The following FOXN3 variants were observed in gnomAD, a reference collection of about 807,000 sequenced individuals.
The protein encoded by FOXN3 is forkhead box protein N3.
A neutral mutation model predicts 38.4 loss-of-function variants in FOXN3; 7 were observed. The ratio of observed to expected loss-of-function variants is 0.18; its 90% CI spans 0.10 to 0.34. The LOEUF is 0.34. FOXN3 is among the 10% of genes least tolerant of loss of function. The pLI is 1.00. For synonymous variants in FOXN3, 230 were observed against 242.2 expected (o/e 0.95, Z 0.47); for missense variants, 456 against 613.4 (o/e 0.74, Z 2.71).
At chr14:89,282,441 T>C (rs1272055595) in intron 3 of FOXN3, among the ~76,000 whole-genome samples, 2 of 152,204 alleles carry the variant, frequency 1.3e-5, no homozygotes, top group Non-Finnish European at 2.9e-5. Context: ...CTCAGGATGA[T>C]GACACCAGCT....
At chr14:89,289,689 C>T (rs1024821520) in intron 3 of FOXN3, among the ~76,000 whole-genome samples, 4 of 152,178 alleles carry the variant, frequency 2.6e-5, no homozygotes, top group Non-Finnish European at 1.5e-5. Flanking sequence ...AATGTTCTTA[C>T]ATCTTTTAAA....
intron 4 of FOXN3, chr14:89,183,883 C>A (rs568097886): frequency 6.6e-6 from 1 of 152,186 alleles, no homozygotes; most frequent in Non-Finnish European, 1.5e-5. Context: ...AATTATTGAT[C>A]GTGTCCCCTG....
At chr14:89,491,060 C>T (rs1275019611) in intron 1 of FOXN3, among the ~76,000 whole-genome samples, 3 of 152,154 alleles carry the variant, frequency 2.0e-5, no homozygotes, top group Admixed American at 6.5e-5. Context: ...CCACAGCCTC[C>T]GCCTCCCGGG....
intron 2 of FOXN3, among the ~76,000 whole-genome samples, chr14:89,360,213 T>C (rs995967483): frequency 6.6e-6 from 1 of 151,794 alleles, no homozygotes. Flanking sequence ...TGGACCTGGC[T>C]CTGGCTCAAC....
intron 2 of FOXN3, among the ~76,000 whole-genome samples, chr14:89,368,173 A>AG (rs1775993348): frequency 6.6e-6 from 1 of 151,742 alleles, no homozygotes. Flanking sequence ...TACTAAAAAA[A>AG]TACAAAATTA....
intron 1 of FOXN3, among the ~76,000 whole-genome samples, chr14:89,555,924 G>T (rs1006930719): frequency 6.7e-6 from 1 of 149,940 alleles, no homozygotes; most frequent in African/African-American, 2.4e-5. Context: ...GTGTGCAAGT[G>T]TTGGTACTAC....
chr14:89,405,786 C>T (rs1246874145), intron 2 of FOXN3, among the ~76,000 whole-genome samples: 1 of 152,066 alleles, frequency 6.6e-6, no homozygotes, highest in African/African-American at 2.4e-5. Context: ...ATTTCAATCC[C>T]CTATAACCCA....
chr14:89,406,803 T>TACAC (rs1378765422), intron 2 of FOXN3, among the ~76,000 whole-genome samples: 1 of 150,742 alleles, frequency 6.6e-6, no homozygotes, highest in Non-Finnish European at 1.5e-5. Context: ...GAAATAGAAA[T>TACAC]ACACACATAC....
At chr14:89,348,518 A>T (rs1014389376) in intron 3 of FOXN3, among the ~76,000 whole-genome samples, 1 of 152,190 alleles carries the variant, frequency 6.6e-6, no homozygotes, top group Non-Finnish European at 1.5e-5. Context: ...GACAGTCCCC[A>T]GGAAAGAGAA....
intron 1 of FOXN3, among the ~76,000 whole-genome samples, chr14:89,606,433 G>C (rs1818166111): frequency 1.3e-5 from 2 of 152,090 alleles, no homozygotes; most frequent in Admixed American, 1.3e-4. Flanking sequence ...ATAAGATCAA[G>C]GTTGAGCATT....
At chr14:89,326,954 C>T (rs1004514722) in intron 3 of FOXN3, among the ~76,000 whole-genome samples, 3 of 152,168 alleles carry the variant, frequency 2.0e-5, no homozygotes, top group Admixed American at 6.5e-5. Context: ...CAACATTTCC[C>T]GGGTACGTAA....
Position 89,240,520 on chromosome 14 carries a change from A to G in FOXN3, c.745+40430T>C, listed in dbSNP as rs1478243881. Among the ~76,000 whole-genome samples the G allele has an allele frequency of 2.6e-4, 39 of 152,264 alleles. 1 individual carries two copies. The highest frequency in any genetic ancestry group is 2.6e-3 in the Admixed American group (39 of 15,292). On this transcript the variant is annotated intron_variant, in intron 4 of 5. Transcript: ENST00000557258. ...CATACAGTGAAATACTCTGACATCA[A>G]TAACAAGGATGAATAAATCTGTATG...
At chr14:89,316,379 T>C (rs931964700) in intron 3 of FOXN3, among the ~76,000 whole-genome samples, 1 of 89,792 alleles carries the variant, frequency 1.1e-5, no homozygotes, top group African/African-American at 5.7e-5. Flanking sequence ...ATGATTCTTC[T>C]TCTTCTTCTT....
rs114372038 is a variant in FOXN3 at position 89,187,804 on chromosome 14, G to A, written c.746-6998C>T. On this transcript the variant is annotated intron_variant, in intron 4 of 5. Coordinates refer to ENST00000557258, the MANE Select transcript of FOXN3 (RefSeq NM_005197.4). The stretch of plus-strand genomic sequence containing the variant: ...GGCTTCCCAAGTGCACAGAGAAGAC[G>A]CTCCATGCATCTTCACTCCCTTGCT... Among the ~76,000 whole-genome samples, 1,088 of 152,202 alleles carry A rather than the reference G, an allele frequency of 7.1e-3. 18 individuals are homozygous for A. Among genetic ancestry groups the A allele is most frequent in the African/African-American group, 0.025 (1,033 of 41,526 alleles).
At chr14:89,199,247 AG>A (rs1888174717) in intron 4 of FOXN3, among the ~76,000 whole-genome samples, 1 of 152,186 alleles carries the variant, frequency 6.6e-6, no homozygotes, top group Non-Finnish European at 1.5e-5. Context: ...CAAACACCTT[AG>A]GGGTTCTTGT....
Position 89,315,330 on chromosome 14 carries a change from T to C in FOXN3, c.681-34316A>G, listed in dbSNP as rs17125671. Among the ~76,000 whole-genome samples, 199 of 152,204 alleles carry C rather than the reference T, an allele frequency of 1.3e-3. 1 individual carries two copies. Among genetic ancestry groups the C allele is most frequent in the African/African-American group, 4.5e-3 (186 of 41,526 alleles). On this transcript the variant is annotated intron_variant, in intron 3 of 5. Coordinates refer to ENST00000557258, the MANE Select transcript of FOXN3 (RefSeq NM_005197.4). ...TAGCACAAATAATTGCTAAATAAAA[T>C]CTTTAACGTCGGCATAACCCTGAAA...
At chr14:89,577,201 T>G (rs1472163454) in intron 1 of FOXN3, 1 of 152,270 alleles carries the variant, frequency 6.6e-6, no homozygotes, top group East Asian at 1.9e-4. Flanking sequence ...GGGCGGAGTT[T>G]CCAAGATAAC....
At chr14:89,190,578 A>G in intron 4 of FOXN3, 1 of 654,406 alleles carries the variant, frequency 1.5e-6, no homozygotes, top group Non-Finnish European at 2.6e-6. Flanking sequence ...TGGATGAGCT[A>G]TCCCAAAGGC....
chr14:89,156,229 A>T lies in FOXN3; in HGVS notation c.*6185T>A, dbSNP rs904373368. On this transcript the variant is annotated 3_prime_UTR_variant, in exon 6 of 6. Coordinates refer to ENST00000557258, the MANE Select transcript of FOXN3 (RefSeq NM_005197.4). The stretch of plus-strand genomic sequence containing the variant: ...ATTTTTATTGCAACTGGAAGACAAT[A>T]CATCACAGAAACTTTATGGTAGGTC... 2.0e-5 allele frequency: 3 copies of T among 152,664 alleles called. No individual in the cohort carries two copies. The highest frequency in any genetic ancestry group is 4.4e-5 in the Non-Finnish European group (3 of 68,036). The allele number at this position is 152,664 out of a possible 1,614,324, so 9.5% of individuals were successfully genotyped here.
Sources: allele counts gnomAD v4.1 joint callset (sites outside exome capture counted in the v4.1 genomes callset), GRCh38; gene constraint gnomAD v4.1.1; transcripts MANE v1.5; gene names NCBI Gene and HGNC (gene_info 2026-07-23, HGNC 2026-07-21).